The following CROCC variants were observed in gnomAD, a reference collection of about 807,000 sequenced individuals.
CROCC encodes the protein rootletin.
Under a neutral mutation model 245.2 loss-of-function variants are expected in CROCC, and 180 were observed. The ratio of observed to expected loss-of-function variants is 0.73; its 90% CI spans 0.65 to 0.83. The LOEUF is 0.83. CROCC is among the 40% of genes least tolerant of loss of function. CROCC has a pLI of 0.00. For synonymous variants in CROCC, 1,205 were observed against 1,241.6 expected (o/e 0.97, Z 0.62); for missense variants, 2,688 against 2,779.4 (o/e 0.97, Z 0.74).
intron 17 of CROCC, among the ~76,000 whole-genome samples, chr1:16,947,680 G>A (rs2076080089): frequency 1.3e-5 from 2 of 152,216 alleles, no homozygotes; most frequent in African/African-American, 2.4e-5. Context: ...GGTGCAGGAA[G>A]CAGGGTGCAG....
At chr1:16,963,456 G>A (rs1480064806) in intron 27 of CROCC, among the ~76,000 whole-genome samples, 1 of 152,138 alleles carries the variant, frequency 6.6e-6, no homozygotes, top group African/African-American at 2.4e-5. Flanking sequence ...CCTCTACGGG[G>A]ACTTTTACCC....
At chr1:16,952,554 G>A (rs116015148) in intron 20 of CROCC, among the ~76,000 whole-genome samples, 2,942 of 151,996 alleles carry the variant, frequency 0.019, 96 homozygotes, top group African/African-American at 0.068. Context: ...TGCTGAGGCA[G>A]GCACCTGCCC....
intron 8 of CROCC, among the ~76,000 whole-genome samples, chr1:16,933,495 T>G (rs542976471): frequency 6.6e-6 from 1 of 152,270 alleles, no homozygotes; most frequent in Non-Finnish European, 1.5e-5. Context: ...TAGTCTTGCT[T>G]TAGTTTTTTC....
At chr1:16,947,695 C>T (rs1287125134) in intron 17 of CROCC, among the ~76,000 whole-genome samples, 1 of 152,220 alleles carries the variant, frequency 6.6e-6, no homozygotes, top group East Asian at 1.9e-4. Context: ...GTGCAGGTCT[C>T]CACCTTGAGG....
intron 27 of CROCC, among the ~76,000 whole-genome samples, chr1:16,962,574 A>C (rs952886989): frequency 1.4e-5 from 2 of 145,848 alleles, no homozygotes; most frequent in African/African-American, 5.0e-5. Flanking sequence ...GGATTTCAGC[A>C]TGTTGGTCAG....
At position 16,955,392 on chromosome 1, in the gene CROCC, C is replaced by G. The variant is rs1197636163; in HGVS notation, c.3546C>G (p.Arg1182=). The change falls in exon 24 of 37, where the codon CGC becomes CGG. Residue 1182 remains arginine, a synonymous_variant. Coordinates refer to ENST00000375541, the MANE Select transcript of CROCC (RefSeq NM_014675.5). ...GGCGGGAGCTGCTGGAGGCCCAGCG[C>G]AAGCTGCGTGAGAGCCAGGAGGGCC... ...GLRRELLEAQ[R]KLRESQEGRE... is the part of the protein sequence containing the mutation. 6.2e-7 allele frequency: 1 copy of G among 1,605,274 alleles called. No homozygotes were observed. The highest frequency in any genetic ancestry group is 8.5e-7 in the Non-Finnish European group (1 of 1,179,128).
chr1:16,960,665 A>G (rs1393580144), intron 26 of CROCC, 93 bp from the exon 27 acceptor site: 3 of 1,346,970 alleles, frequency 2.2e-6, no homozygotes, highest in Non-Finnish European at 2.9e-6. Context: ...CTGACCACAC[A>G]GTCAGGGATG....
intron 12 of CROCC, 140 bp downstream of exon 12, chr1:16,939,282 A>G: frequency 1.3e-6 from 1 of 787,648 alleles, no homozygotes; most frequent in Non-Finnish European, 1.8e-6. Flanking sequence ...GTGCAGCCAG[A>G]GCCCTGAGAA....
chr1:16,957,202 T>G (rs573657731), intron 25 of CROCC, among the ~76,000 whole-genome samples: 12 of 151,146 alleles, frequency 7.9e-5, no homozygotes, highest in African/African-American at 2.7e-4. Context: ...AGCCTAGGAG[T>G]TCAAGACCAG....
Position 16,954,965 on chromosome 1 carries a change from G to C in CROCC, c.3465+88G>C, listed in dbSNP as rs912350308. On this transcript the variant is annotated intron_variant, in intron 23 of 36. Transcript: ENST00000375541. This position sits in a 1 kb window ranked among gnomAD's most constrained non-coding sequence, Gnocchi z 4.4. ...TAGTTCCCCAGGGCCCCAGAAGAGT[G>C]TAAGATTCCTCCCTGCATTTGAGGA... The C allele has an allele frequency of 1.7e-5, 24 of 1,406,802 alleles. No individual in the cohort carries two copies. Among genetic ancestry groups the C allele is most frequent in the Non-Finnish European group, 2.1e-5 (22 of 1,065,288 alleles). The allele number at this position is 1,406,802 out of a possible 1,614,324, so 87.1% of individuals were successfully genotyped here. A position where few individuals can be genotyped will look rare whatever the true frequency, so the allele number is the denominator to read the frequency against.
At chr1:16,959,742 C>T (rs1033658437) in intron 26 of CROCC, among the ~76,000 whole-genome samples, 7 of 152,228 alleles carry the variant, frequency 4.6e-5, no homozygotes, top group Non-Finnish European at 1.0e-4. Context: ...TGGGCAAGGG[C>T]GGCAATGTAG....
At chr1:16,922,167 C>A in intron 1 of CROCC, 89 bp downstream of exon 1, 1 of 1,303,890 alleles carries the variant, frequency 7.7e-7, no homozygotes, top group Non-Finnish European at 1.0e-6. Context: ...TCTTGGGGAT[C>A]AAGGGGTGGG....
chr1:16,946,008 G>T (rs115462841), intron 15 of CROCC, among the ~76,000 whole-genome samples: 19,515 of 150,358 alleles, frequency 0.13, 854 homozygotes, highest in South Asian at 0.2. Context: ...CTACTCAGGG[G>T]ATCCTCTGAA....
At chr1:16,922,157 T>A in intron 1 of CROCC, 79 bp downstream of exon 1, 1 of 1,350,680 alleles carries the variant, frequency 7.4e-7, no homozygotes, top group Non-Finnish European at 1.0e-6. Flanking sequence ...GGTGTGTGCG[T>A]CTTGGGGATC....
intron 3 of CROCC, among the ~76,000 whole-genome samples, chr1:16,925,296 C>T (rs115740165): frequency 0.014 from 2,147 of 151,506 alleles, no homozygotes; most frequent in African/African-American, 0.05. Flanking sequence ...GTGCCAGGCG[C>T]GTGCTGAGTG....
At chr1:16,961,900 G>T (rs546176369) in intron 27 of CROCC, among the ~76,000 whole-genome samples, 3 of 152,020 alleles carry the variant, frequency 2.0e-5, no homozygotes, top group Non-Finnish European at 2.9e-5. Context: ...TTCCTGGACC[G>T]GGGGCTGGAG....
At chr1:16,941,372 C>G (rs2075927585) in intron 13 of CROCC, 1 of 152,502 alleles carries the variant, frequency 6.6e-6, no homozygotes, top group Admixed American at 6.5e-5. Context: ...TTGCAATGAG[C>G]CAGGATCGTG....
In CROCC at chr1:16,969,854, G is replaced by A. The variant is rs1168359852; in HGVS notation, c.5371G>A (p.Val1791Met). 3 of 1,612,880 alleles carry A rather than the reference G, an allele frequency of 1.9e-6. No individual in the cohort carries two copies. The highest frequency in any genetic ancestry group is 2.5e-6 in the Non-Finnish European group (3 of 1,179,568). Reference protein sequence around the residue: ...RKQSSSLGEQVQTLRGEVADL... With the variant: ...RKQSSSLGEQMQTLRGEVADL... The stretch of plus-strand genomic sequence containing the variant: ...GCAGAGCAGCTCCCTGGGCGAGCAG[G>A]TGCAGACGTTGCGAGGCGAGGTGGC... The change falls in exon 33 of 37, where the codon GTG becomes ATG. Residue 1791 changes from valine (V) to methionine (M), a missense_variant. By Grantham distance (21) the Val-to-Met change is conservative. Coordinates refer to ENST00000375541, the MANE Select transcript of CROCC (RefSeq NM_014675.5).
At chr1:16,924,280 C>T in intron 2 of CROCC, 45 bp from the exon 3 acceptor site, 1 of 1,595,898 alleles carries the variant, frequency 6.3e-7, no homozygotes, top group African/African-American at 1.3e-5. Context: ...GGAGGATGTC[C>T]CACTGGACCC....
Sources: gnomAD v4.1 joint callset for allele counts (sites outside exome capture counted in the v4.1 genomes callset) on GRCh38, gnomAD v4.1.1 for gene constraint, Gnocchi (gnomAD v3.1) non-coding constraint, MANE v1.5 for transcripts, NCBI Gene and HGNC (gene_info 2026-07-23, HGNC 2026-07-21) for gene names.